VRK2: variants seen among roughly 807,000 people sequenced by gnomAD.
The protein encoded by VRK2 is VRK serine/threonine kinase 2.
A neutral mutation model predicts 57.6 loss-of-function variants in VRK2; 60 were observed. The observed-to-expected ratio is 1.04, with a 90% CI of 0.85 to 1.29. The LOEUF (loss-of-function observed/expected upper bound fraction) is 1.29, where lower values mean the gene tolerates loss of function less well. VRK2 is among the 50% of genes most tolerant of loss of function. VRK2 has a pLI of 0.00. For synonymous variants in VRK2, 231 were observed against 199.2 expected, an observed-to-expected ratio of 1.16 and a Z score of -1.35; for missense variants, 705 against 588.1, an observed-to-expected ratio of 1.20 and a Z score of -2.06.
intron 1 of VRK2, among the ~76,000 whole-genome samples, chr2:58,021,433 C>G (rs898045412): frequency 6.6e-6 from 1 of 152,042 alleles, no homozygotes; most frequent in Non-Finnish European, 1.5e-5. Context: ...AGTATTAAAA[C>G]ATTACTTTAG....
intron 1 of VRK2, among the ~76,000 whole-genome samples, chr2:57,996,572 G>A (rs893626447): frequency 6.6e-6 from 1 of 152,184 alleles, no homozygotes; most frequent in Non-Finnish European, 1.5e-5. Flanking sequence ...AGAATATAGA[G>A]AATTGGTTAC....
chr2:58,060,539 G>C (rs1470403835), intron 2 of VRK2, among the ~76,000 whole-genome samples: 1 of 151,648 alleles, frequency 6.6e-6, no homozygotes, highest in Non-Finnish European at 1.5e-5. Context: ...ACAGAAAAAT[G>C]AGATAAAGAG....
chr2:58,003,906 T>C (rs1364937724), intron 1 of VRK2, among the ~76,000 whole-genome samples: 1 of 152,188 alleles, frequency 6.6e-6, no homozygotes, highest in African/African-American at 2.4e-5. Flanking sequence ...TTAAATCTTG[T>C]CACTGAGGCC....
At chr2:58,155,799 GAAGT>G (rs1227896954) in intron 12 of VRK2, among the ~76,000 whole-genome samples, 1 of 147,198 alleles carries the variant, frequency 6.8e-6, no homozygotes, top group Non-Finnish European at 1.5e-5. Flanking sequence ...CACCTGGAGA[GAAGT>G]AAGGTACAGC....
At chr2:57,983,557 A>G (rs1298100732) in intron 1 of VRK2, among the ~76,000 whole-genome samples, 4 of 152,226 alleles carry the variant, frequency 2.6e-5, no homozygotes, top group African/African-American at 9.6e-5. Context: ...AGGGAAAGGC[A>G]TAGAAAAAAA....
intron 2 of VRK2, among the ~76,000 whole-genome samples, chr2:58,029,696 G>C (rs1674053329): frequency 6.6e-6 from 1 of 151,984 alleles, no homozygotes; most frequent in Non-Finnish European, 1.5e-5. Flanking sequence ...TGATTTGGGG[G>C]GTTTATTCTG....
chr2:58,151,731 G>GTTTTTTTTTTATTTTTTTTTTTT (rs1683071801), intron 12 of VRK2, among the ~76,000 whole-genome samples: 1 of 16,722 alleles, frequency 6.0e-5, no homozygotes, highest in African/African-American at 1.3e-4. Flanking sequence ...TTCTATGCTT[G>GTTTTTTTTTTATTTTTTTTTTTT]TTTTTTTTTT....
intron 1 of VRK2, chr2:58,018,022 G>A (rs1169059274): frequency 6.6e-6 from 1 of 152,028 alleles, no homozygotes; most frequent in Non-Finnish European, 1.5e-5. Context: ...ACAGAGTCTT[G>A]CTCTGCCACG....
At chr2:58,116,277 A>G (rs1010094198) in intron 7 of VRK2, among the ~76,000 whole-genome samples, 24 of 151,398 alleles carry the variant, frequency 1.6e-4, no homozygotes, top group African/African-American at 5.6e-4. Context: ...AAGGTGGGGG[A>G]ATACAAAAGG....
chr2:58,017,916 G>A (rs1388604674), intron 1 of VRK2: 1 of 152,190 alleles, frequency 6.6e-6, no homozygotes, highest in African/African-American at 2.4e-5. Context: ...AATATTCGTA[G>A]TACATACTGC....
At chr2:57,999,827 T>C (rs541379809) in intron 1 of VRK2, among the ~76,000 whole-genome samples, 2 of 152,324 alleles carry the variant, frequency 1.3e-5, no homozygotes, top group East Asian at 3.9e-4. Context: ...TAAGCACTTA[T>C]GACACATTAA....
intron 12 of VRK2, among the ~76,000 whole-genome samples, chr2:58,153,774 T>G (rs973610145): frequency 6.6e-6 from 1 of 152,084 alleles, no homozygotes; most frequent in Non-Finnish European, 1.5e-5. Flanking sequence ...AGAAAATGTA[T>G]AGAATTGATC....
At chr2:58,140,376 C>G (rs1681156538) in intron 11 of VRK2, among the ~76,000 whole-genome samples, 1 of 151,728 alleles carries the variant, frequency 6.6e-6, no homozygotes, top group Non-Finnish European at 1.5e-5. Context: ...CCAACACCAA[C>G]TTAAAAAAAA....
chr2:58,052,151 C>T lies in VRK2; in HGVS notation c.136+3184C>T, dbSNP rs115980304. Among the ~76,000 whole-genome samples the T allele has an allele frequency of 3.3e-3, 499 of 152,216 alleles. 7 individuals carry two copies. Among genetic ancestry groups the T allele is most frequent in the African/African-American group, 0.011 (474 of 41,528 alleles). On this transcript the variant is annotated intron_variant, in intron 2 of 12. Transcript: ENST00000340157. ...GACCTGAATCCTGACCTGATGAAGCCACTTATTCATCTAGTTACTTAATCC... is the reference window on the plus strand; with the variant it reads ...GACCTGAATCCTGACCTGATGAAGCTACTTATTCATCTAGTTACTTAATCC...
chr2:58,082,727 C>T (rs755913753), intron 2 of VRK2, among the ~76,000 whole-genome samples: 22 of 151,640 alleles, frequency 1.5e-4, no homozygotes, highest in Non-Finnish European at 2.5e-4. Context: ...TGAATGAAGG[C>T]GAAAAGATAA....
intron 7 of VRK2, among the ~76,000 whole-genome samples, chr2:58,098,652 G>GA (rs1673509912): frequency 6.6e-6 from 1 of 152,018 alleles, no homozygotes; most frequent in East Asian, 1.9e-4. Flanking sequence ...TAGGTGTGTA[G>GA]AAGGCTGTAC....
intron 1 of VRK2, among the ~76,000 whole-genome samples, chr2:57,929,873 A>T (rs988861384): frequency 1.3e-5 from 2 of 152,058 alleles, no homozygotes; most frequent in African/African-American, 4.8e-5. Context: ...CTAGGGCCTA[A>T]AATGGGGGCT....
chr2:58,086,004 G>C (rs1047548727), intron 4 of VRK2, among the ~76,000 whole-genome samples: 6 of 141,154 alleles, frequency 4.3e-5, no homozygotes, highest in Non-Finnish European at 6.1e-5. Context: ...TCTCTCTACT[G>C]ATCTTTTGGT....
intron 1 of VRK2, among the ~76,000 whole-genome samples, chr2:58,009,354 T>A (rs989129436): frequency 6.6e-6 from 1 of 151,884 alleles, no homozygotes; most frequent in African/African-American, 2.4e-5. Flanking sequence ...CCTCTCAAGG[T>A]GTACCATGGA....
Sources: gnomAD v4.1 joint callset for allele counts (sites outside exome capture counted in the v4.1 genomes callset) on GRCh38, gnomAD v4.1.1 for gene constraint, MANE v1.5 for transcripts, NCBI Gene and HGNC (gene_info 2026-07-23, HGNC 2026-07-21) for gene names.